KIRREL1: variants seen among roughly 807,000 people sequenced by gnomAD.
KIRREL1 encodes kirre like nephrin family adhesion molecule 1, also known as kin of IRRE-like protein 1.
Under a neutral mutation model 83.3 loss-of-function variants are expected in KIRREL1, and 25 were observed. The observed-to-expected ratio is 0.30, with a 90% confidence interval of 0.22 to 0.42. KIRREL1 has a LOEUF of 0.42. Ranked by LOEUF, KIRREL1 falls within the 10% of genes least tolerant of loss-of-function variation. The pLI, the probability that KIRREL1 is intolerant of heterozygous loss-of-function variation, is 1.00. For synonymous variants in KIRREL1, 388 were observed against 410.4 expected (o/e 0.95, Z 0.66); for missense variants, 812 against 1,032.3 (o/e 0.79, Z 2.92).
chr1:158,088,303 G>A lies in KIRREL1; in HGVS notation c.917-24G>A, dbSNP rs370056497. 161 of 1,602,562 alleles carry A rather than the reference G, an allele frequency of 1.0e-4. 2 individuals carry two copies. The Middle Eastern group carries it at 2.0e-3, about 20-fold the overall frequency. On this transcript the variant is annotated intron_variant, in intron 7 of 14. Coordinates refer to ENST00000359209, the MANE Select transcript of KIRREL1 (RefSeq NM_018240.7). ...AACCCCATGAGCTTGAGACCCTAAC[G>A]AGTGGCTTCTTTCTCCCTCACAGTT...
intron 1 of KIRREL1, among the ~76,000 whole-genome samples, chr1:158,055,242 C>T (rs1197862489): frequency 3.9e-5 from 6 of 152,008 alleles, no homozygotes; most frequent in Admixed American, 2.0e-4. Flanking sequence ...GAAGGGGAGG[C>T]GGCCTCCCCA....
At chr1:158,059,843 A>T (rs530226025) in intron 1 of KIRREL1, among the ~76,000 whole-genome samples, 1 of 152,264 alleles carries the variant, frequency 6.6e-6, no homozygotes, top group East Asian at 1.9e-4. Context: ...TGCCTCTTCA[A>T]GAGCTCATGT....
In KIRREL1 at chr1:158,012,267, C is replaced by T. The variant is rs551987708; in HGVS notation, c.52+18539C>T. On this transcript the variant is annotated intron_variant, in intron 1 of 14. Transcript: ENST00000359209. The stretch of plus-strand genomic sequence containing the variant: ...TATTCAGTAGTAAAATGAGGAGCTC[C>T]GTAAATGATGCCTGAGGCCAGATGC... Among the ~76,000 whole-genome samples the T allele has an allele frequency of 6.4e-4, 97 of 152,122 alleles. 2 individuals are homozygous for T. The South Asian group carries it at 0.019, about 29-fold the overall frequency.
chr1:158,023,980 C>G (rs1182511054), intron 1 of KIRREL1, among the ~76,000 whole-genome samples: 1 of 152,144 alleles, frequency 6.6e-6, no homozygotes, highest in Non-Finnish European at 1.5e-5. Context: ...CGAAGTCTCG[C>G]TCTGTCACCC....
intron 1 of KIRREL1, among the ~76,000 whole-genome samples, chr1:158,020,391 G>T (rs1397677378): frequency 6.6e-6 from 1 of 151,986 alleles, no homozygotes; most frequent in Non-Finnish European, 1.5e-5. Flanking sequence ...CCCAAAGAAT[G>T]AACTATTATT....
chr1:158,078,960 C>G (rs538700742), intron 3 of KIRREL1, among the ~76,000 whole-genome samples: 2 of 152,114 alleles, frequency 1.3e-5, no homozygotes, highest in African/African-American at 4.8e-5. Flanking sequence ...CCTTGCCCCC[C>G]CTCACCCACT....
intron 1 of KIRREL1, among the ~76,000 whole-genome samples, chr1:158,033,081 CTT>C (rs747613284): frequency 2.0e-5 from 3 of 150,308 alleles, no homozygotes; most frequent in Non-Finnish European, 1.5e-5. Flanking sequence ...GGGATCCTCA[CTT>C]TCTTCTTTTT....
At chr1:158,060,538 G>A (rs537436358) in intron 1 of KIRREL1, among the ~76,000 whole-genome samples, 2 of 152,232 alleles carry the variant, frequency 1.3e-5, no homozygotes, top group South Asian at 4.2e-4. Context: ...CGCCTCCACT[G>A]AGACTTTCTG....
At chr1:158,074,151 C>T (rs1355637886) in intron 1 of KIRREL1, among the ~76,000 whole-genome samples, 1 of 152,206 alleles carries the variant, frequency 6.6e-6, no homozygotes, top group Non-Finnish European at 1.5e-5. Context: ...CAGCACCTGC[C>T]ACCCTGATCA....
At chr1:157,998,907 C>T (rs1486055222) in intron 1 of KIRREL1, among the ~76,000 whole-genome samples, 2 of 152,168 alleles carry the variant, frequency 1.3e-5, no homozygotes, top group Non-Finnish European at 2.9e-5. Context: ...TAATGTTACT[C>T]CCATTTTATA....
At chr1:157,993,763 T>G in intron 1 of KIRREL1, 35 bp downstream of exon 1, 1 of 1,392,694 alleles carries the variant, frequency 7.2e-7, no homozygotes, top group Non-Finnish European at 9.6e-7. Context: ...GACGCTCGGC[T>G]TCCCCCCGGG....
intron 1 of KIRREL1, among the ~76,000 whole-genome samples, chr1:157,996,904 G>A (rs1209003203): frequency 6.6e-6 from 1 of 152,164 alleles, no homozygotes; most frequent in Admixed American, 6.5e-5. Flanking sequence ...GGAGGAGGAG[G>A]AGGAGGCATC....
chr1:158,073,980 C>T (rs1005654575), intron 1 of KIRREL1, among the ~76,000 whole-genome samples: 5 of 152,218 alleles, frequency 3.3e-5, no homozygotes, highest in Non-Finnish European at 7.3e-5. Flanking sequence ...GACTTGGGCT[C>T]CAGGGGCCAT....
intron 8 of KIRREL1, among the ~76,000 whole-genome samples, chr1:158,088,965 C>G (rs1278391707): frequency 6.7e-6 from 1 of 149,866 alleles, no homozygotes; most frequent in Non-Finnish European, 1.5e-5. Flanking sequence ...ACTGGGGGGA[C>G]AAACTCACCT....
At chr1:158,083,353 G>A (rs1359886885) in intron 3 of KIRREL1, among the ~76,000 whole-genome samples, 3 of 152,204 alleles carry the variant, frequency 2.0e-5, no homozygotes, top group Admixed American at 6.5e-5. Context: ...GTGACTGGTG[G>A]GGGCCACCAT....
Position 157,996,460 on chromosome 1 carries a change from G to T in KIRREL1, c.52+2732G>T, listed in dbSNP as rs1161952121. ...CGGGGAGGGAGCTGCCTCCGTGGGG[G>T]GGATGGATGTGGGGGCAGGAGAAAA... On this transcript the variant is annotated intron_variant, in intron 1 of 14. Coordinates refer to ENST00000359209, the MANE Select transcript of KIRREL1 (RefSeq NM_018240.7). 3.3e-5 allele frequency among the ~76,000 whole-genome samples: 5 copies of T among 152,094 alleles called. No homozygotes were observed. In the East Asian group the frequency reaches 7.7e-4, roughly 24 times the overall value.
intron 1 of KIRREL1, among the ~76,000 whole-genome samples, chr1:158,026,903 C>T (rs1028644932): frequency 6.6e-6 from 1 of 152,194 alleles, no homozygotes; most frequent in Non-Finnish European, 1.5e-5. Flanking sequence ...CAGAAGACTT[C>T]TGTGACCAAA....
intron 1 of KIRREL1, among the ~76,000 whole-genome samples, chr1:158,073,525 G>A (rs890066050): frequency 5.2e-4 from 79 of 152,306 alleles, no homozygotes; most frequent in African/African-American, 1.8e-3. Context: ...CAGTTTACCA[G>A]GCAGGAAAAT....
intron 8 of KIRREL1, among the ~76,000 whole-genome samples, chr1:158,088,968 A>T (rs557692985): frequency 1.3e-5 from 2 of 150,980 alleles, no homozygotes; most frequent in African/African-American, 4.9e-5. Flanking sequence ...GGGGGGACAA[A>T]CTCACCTGTG....
Sources: gnomAD v4.1 joint callset for allele counts (sites outside exome capture counted in the v4.1 genomes callset) on GRCh38, gnomAD v4.1.1 for gene constraint, MANE v1.5 for transcripts, NCBI Gene and HGNC (gene_info 2026-07-23, HGNC 2026-07-21) for gene names.